GRIK2: variants seen among roughly 807,000 people sequenced by gnomAD.
The protein encoded by GRIK2 is glutamate receptor ionotropic, kainate 2.
A neutral mutation model predicts 100.3 loss-of-function variants in GRIK2; 32 were observed. The observed-to-expected ratio is 0.32, with a 90% CI of 0.24 to 0.43. The LOEUF (loss-of-function observed/expected upper bound fraction) is 0.43, where lower values mean the gene tolerates loss of function less well. Among genes scored for constraint, GRIK2 ranks in the 20% least tolerant of loss-of-function variants. The pLI, the probability that GRIK2 is intolerant of heterozygous loss-of-function variation, is 1.00. For synonymous variants in GRIK2, 417 were observed against 389.4 expected (o/e 1.07, Z -0.83); for missense variants, 843 against 1,114.9 (o/e 0.76, Z 3.47).
intron 14 of GRIK2, among the ~76,000 whole-genome samples, chr6:101,978,847 G>A (rs967708809): frequency 2.0e-5 from 3 of 151,792 alleles, no homozygotes; most frequent in African/African-American, 7.3e-5. Context: ...CAATTATTTT[G>A]CAGCATAAGC....
chr6:101,604,753 T>C (rs1178376151), intron 2 of GRIK2, among the ~76,000 whole-genome samples: 1 of 151,954 alleles, frequency 6.6e-6, no homozygotes, highest in African/African-American at 2.4e-5. Flanking sequence ...ATGATGAACA[T>C]TTTTTCCTGC....
chr6:101,418,808 CAT>C (rs2128239722), intron 2 of GRIK2, among the ~76,000 whole-genome samples: 1 of 152,272 alleles, frequency 6.6e-6, no homozygotes, highest in East Asian at 1.9e-4. Context: ...TGCAAAGTGA[CAT>C]GTATAAAATC....
intron 2 of GRIK2, among the ~76,000 whole-genome samples, chr6:101,449,504 A>G (rs1770551867): frequency 1.3e-5 from 2 of 151,650 alleles, no homozygotes; most frequent in Admixed American, 1.3e-4. Context: ...TTACACAACA[A>G]GGGAGGCTTT....
At chr6:101,612,819 G>A (rs1424176358) in intron 2 of GRIK2, among the ~76,000 whole-genome samples, 1 of 151,382 alleles carries the variant, frequency 6.6e-6, no homozygotes, top group African/African-American at 2.4e-5. Context: ...GAAAGCAATG[G>A]AGGCATTTGA....
intron 15 of GRIK2, among the ~76,000 whole-genome samples, chr6:102,041,261 A>T (rs1194051063): frequency 6.6e-6 from 1 of 151,668 alleles, no homozygotes; most frequent in Non-Finnish European, 1.5e-5. Context: ...GAAATGGATA[A>T]TTCTCATAAA....
At position 101,929,939 on chromosome 6, in the gene GRIK2, A is replaced by G. The variant is rs1378385706; in HGVS notation, c.2085+1307A>G. Among the ~76,000 whole-genome samples the G allele has an allele frequency of 2.6e-5, 4 of 152,306 alleles. No individual in the cohort carries two copies. The East Asian group carries it at 7.7e-4, about 29-fold the overall frequency. On this transcript the variant is annotated intron_variant, in intron 14 of 16. Coordinates refer to ENST00000369134, the MANE Select transcript of GRIK2 (RefSeq NM_021956.5). ...AAAACAATACGTTCAGTATGGTCCT[A>G]TTTGACTATATTAATTGCGATGGAT...
At chr6:101,554,284 G>C (rs540154936) in intron 2 of GRIK2, among the ~76,000 whole-genome samples, 3 of 152,250 alleles carry the variant, frequency 2.0e-5, no homozygotes, top group Admixed American at 1.3e-4. Context: ...GTTCGTGTTA[G>C]TGTCTGTGTC....
At chr6:101,872,467 A>G (rs1562454128) in intron 11 of GRIK2, among the ~76,000 whole-genome samples, 1 of 151,850 alleles carries the variant, frequency 6.6e-6, no homozygotes, top group African/African-American at 2.4e-5. Context: ...CTCACTCACT[A>G]TCATGAGAAT....
intron 2 of GRIK2, among the ~76,000 whole-genome samples, chr6:101,557,180 G>A (rs959696225): frequency 6.6e-6 from 1 of 152,092 alleles, no homozygotes; most frequent in Non-Finnish European, 1.5e-5. Flanking sequence ...TTCATAACAT[G>A]CACTGTTAAT....
chr6:101,582,554 C>G lies in GRIK2; in HGVS notation c.116-39395C>G, dbSNP rs576735328. On this transcript the variant is annotated intron_variant, in intron 2 of 16. Transcript: ENST00000369134. The stretch of plus-strand genomic sequence containing the variant: ...ACTGTGAGTCAGTTAGATGTCTTTT[C>G]TTTATAAATTATGCAGCCTCAGGCA... Among the ~76,000 whole-genome samples the G allele has an allele frequency of 1.0e-3, 158 of 152,170 alleles. 1 individual carries two copies. Among genetic ancestry groups the G allele is most frequent in the African/African-American group, 3.3e-3 (139 of 41,510 alleles).
At chr6:101,694,551 G>A (rs552572880) in intron 7 of GRIK2, among the ~76,000 whole-genome samples, 6 of 152,052 alleles carry the variant, frequency 3.9e-5, no homozygotes, top group South Asian at 2.1e-4. Context: ...TGGAATTGAG[G>A]CCTACAAATA....
At chr6:101,624,650 T>G (rs1780346191) in intron 3 of GRIK2, among the ~76,000 whole-genome samples, 1 of 152,190 alleles carries the variant, frequency 6.6e-6, no homozygotes, top group African/African-American at 2.4e-5. Flanking sequence ...TAAAGCTCAG[T>G]AACAATCCTT....
intron 12 of GRIK2, among the ~76,000 whole-genome samples, chr6:101,918,202 G>GA (rs1244019327): frequency 6.6e-6 from 1 of 151,414 alleles, no homozygotes; most frequent in East Asian, 1.9e-4. Context: ...TGATGATGAT[G>GA]AAAAAATAAA....
chr6:102,062,377 A>G (rs2852618), intron 16 of GRIK2, among the ~76,000 whole-genome samples: 63,429 of 149,996 alleles, frequency 0.42, 13,613 homozygotes, highest in Middle Eastern at 0.48. Flanking sequence ...CATCATTAAT[A>G]AGGCAGGCTA....
intron 2 of GRIK2, among the ~76,000 whole-genome samples, chr6:101,572,529 G>A (rs78301643): frequency 0.036 from 5,493 of 152,118 alleles, 151 homozygotes; most frequent in Middle Eastern, 0.13. Context: ...AGTAGAATAG[G>A]AAATGCTTTG....
rs1317274078 is a variant in GRIK2, at chr6:101,984,381, T to C, written c.2086-50960T>C. Among the ~76,000 whole-genome samples, 9 of 151,600 alleles carry C rather than the reference T, an allele frequency of 5.9e-5. No homozygotes were observed. The Admixed American group carries it at 5.9e-4, about 10-fold the overall frequency. On this transcript the variant is annotated intron_variant, in intron 14 of 16. Coordinates refer to ENST00000369134, the MANE Select transcript of GRIK2 (RefSeq NM_021956.5). ...TTAACTACCTTGCTTGGGTATAAGA[T>C]AAGTGTCTGACAAGGAAAGAATTGT...
intron 7 of GRIK2, among the ~76,000 whole-genome samples, chr6:101,737,755 A>G (rs998240306): frequency 1.3e-5 from 2 of 152,018 alleles, no homozygotes; most frequent in African/African-American, 2.4e-5. Flanking sequence ...TTCAACTTTT[A>G]TTGCTTTTAT....
intron 1 of GRIK2, among the ~76,000 whole-genome samples, chr6:101,395,315 A>AAT (rs201147693): frequency 0.032 from 4,917 of 152,330 alleles, 87 homozygotes; most frequent in Non-Finnish European, 0.045. Context: ...AGGTTTTTCA[A>AAT]ATGTCACATA....
chr6:101,972,704 T>A, intron 14 of GRIK2, among the ~76,000 whole-genome samples: 1 of 152,098 alleles, frequency 6.6e-6, no homozygotes, highest in East Asian at 1.9e-4. Flanking sequence ...CTTTAATTAA[T>A]CTTGGGTTGA....
Sources: allele counts gnomAD v4.1 joint callset (sites outside exome capture counted in the v4.1 genomes callset), GRCh38; gene constraint gnomAD v4.1.1; transcripts MANE v1.5; gene names NCBI Gene and HGNC (gene_info 2026-07-23, HGNC 2026-07-21).